PRKG2: variants seen among roughly 807,000 people sequenced by gnomAD.
PRKG2 encodes protein kinase cGMP-dependent 2, also known as cGMP-dependent protein kinase 2.
PRKG2 carries 33 observed loss-of-function variants against 97.2 expected under a neutral mutation model. The observed-to-expected ratio is 0.34, with a 90% CI of 0.26 to 0.45. The LOEUF (loss-of-function observed/expected upper bound fraction) is 0.45, where lower values mean the gene tolerates loss of function less well. Among genes scored for constraint, PRKG2 ranks in the 20% least tolerant of loss-of-function variants. PRKG2 has a pLI of 1.00. For synonymous variants in PRKG2, 330 were observed against 321.8 expected (o/e 1.03, Z -0.27); for missense variants, 638 against 900.0 (o/e 0.71, Z 3.73).
At chr4:81,091,568 C>G (rs1051953029) in intron 18 of PRKG2, among the ~76,000 whole-genome samples, 1 of 152,118 alleles carries the variant, frequency 6.6e-6, no homozygotes, top group African/African-American at 2.4e-5. Flanking sequence ...CAGGCGTGAG[C>G]CACCATGCCT....
At chr4:81,176,297 C>T (rs10516651) in intron 2 of PRKG2, among the ~76,000 whole-genome samples, 36,326 of 152,012 alleles carry the variant, frequency 0.24, 8,451 homozygotes, top group African/African-American at 0.59. Flanking sequence ...AAGAACAAAT[C>T]TTAGGTCTGG....
intron 17 of PRKG2, among the ~76,000 whole-genome samples, chr4:81,095,686 A>C (rs1055953936): frequency 6.6e-6 from 1 of 152,164 alleles, no homozygotes; most frequent in African/African-American, 2.4e-5. Context: ...GTGTGTAAAA[A>C]ATATTCACCA....
At chr4:81,093,198 C>A (rs1390370632) in intron 17 of PRKG2, among the ~76,000 whole-genome samples, 1 of 152,048 alleles carries the variant, frequency 6.6e-6, no homozygotes, top group Non-Finnish European at 1.5e-5. Flanking sequence ...TCCTAACCAA[C>A]TAGGGTTGTT....
At chr4:81,184,254 G>A (rs190890019) in intron 2 of PRKG2, among the ~76,000 whole-genome samples, 29 of 152,270 alleles carry the variant, frequency 1.9e-4, no homozygotes, top group African/African-American at 6.7e-4. Context: ...AGCTCCAGCT[G>A]GCATCTGTCA....
At chr4:81,115,906 G>A (rs960955266) in intron 14 of PRKG2, among the ~76,000 whole-genome samples, 6 of 152,050 alleles carry the variant, frequency 3.9e-5, no homozygotes, top group Non-Finnish European at 5.9e-5. Flanking sequence ...ACATATTTCC[G>A]TGCTTTTTGT....
intron 14 of PRKG2, among the ~76,000 whole-genome samples, chr4:81,131,089 G>A (rs756337012): frequency 7.2e-5 from 11 of 152,182 alleles, no homozygotes; most frequent in Non-Finnish European, 1.5e-4. Flanking sequence ...CCAGTTTTGT[G>A]TTTGAAACCC....
chr4:81,155,047 G>C (rs919195198), intron 6 of PRKG2, among the ~76,000 whole-genome samples: 7 of 150,716 alleles, frequency 4.6e-5, no homozygotes, highest in Non-Finnish European at 8.9e-5. Context: ...GCGTAGTGGC[G>C]GGCGCCTGTA....
chr4:81,169,728 T>A lies in PRKG2; in HGVS notation c.783A>T (p.Val261=). 1 of 1,609,846 alleles carries A rather than the reference T, an allele frequency of 6.2e-7. No homozygotes were observed. Among genetic ancestry groups the A allele is most frequent in the Non-Finnish European group, 8.5e-7 (1 of 1,177,896 alleles). Residue 261 remains valine, a synonymous_variant, in exon 5 of 19, where the codon GTA becomes GTT. Transcript: ENST00000264399. The part of the protein sequence containing the change: ...NVKTWALDRE[V]FQNIMRRTAQ... Reference sequence around the variant, plus strand: ...CTGTCCTCCTCATTATATTCTGGAATACCTCTCGATCTAGTGCCCATGTTT... The same window carrying A: ...CTGTCCTCCTCATTATATTCTGGAAAACCTCTCGATCTAGTGCCCATGTTT...
Position 81,144,640 on chromosome 4 carries a change from G to T in PRKG2, c.1155-310C>A, listed in dbSNP as rs1747658480. Among the ~76,000 whole-genome samples the T allele has an allele frequency of 2.0e-5, 3 of 149,402 alleles. No individual in the cohort carries two copies. The South Asian group carries it at 6.3e-4, about 32-fold the overall frequency. ...TTTTTTATTATACTTTAAGTTCTAG[G>T]GTACATGTGCACAATGTGCAGGTTA... is the stretch of plus-strand genomic sequence containing the variant. On this transcript the variant is annotated intron_variant, in intron 9 of 18. Coordinates refer to ENST00000264399, the MANE Select transcript of PRKG2 (RefSeq NM_006259.3).
chr4:81,112,856 A>G (rs1197568439), intron 14 of PRKG2, among the ~76,000 whole-genome samples: 1 of 152,202 alleles, frequency 6.6e-6, no homozygotes, highest in Non-Finnish European at 1.5e-5. Flanking sequence ...GGATACTACC[A>G]GAAAGTCTCA....
chr4:81,105,136 C>T (rs535596800), intron 16 of PRKG2, among the ~76,000 whole-genome samples: 8 of 152,190 alleles, frequency 5.3e-5, no homozygotes, highest in East Asian at 1.9e-4. Flanking sequence ...AAATTCGTTA[C>T]GCGTATATAA....
chr4:81,130,338 T>C (rs1482788218), intron 14 of PRKG2, among the ~76,000 whole-genome samples: 1 of 152,198 alleles, frequency 6.6e-6, no homozygotes, highest in African/African-American at 2.4e-5. Context: ...CAGCAAAGAT[T>C]GCTGCCTTTT....
intron 14 of PRKG2, among the ~76,000 whole-genome samples, chr4:81,113,724 C>A (rs917534192): frequency 1.3e-5 from 2 of 152,096 alleles, no homozygotes; most frequent in Non-Finnish European, 2.9e-5. Flanking sequence ...TCTAATTAAA[C>A]CAGATGATTC....
intron 14 of PRKG2, among the ~76,000 whole-genome samples, chr4:81,131,408 C>G (rs907425478): frequency 2.0e-5 from 3 of 152,158 alleles, no homozygotes; most frequent in African/African-American, 7.2e-5. Flanking sequence ...CAGAGCTGTT[C>G]CTATTTGGCC....
rs1397751991 is a variant in PRKG2, at chr4:81,186,931, G to C, written c.462-11972C>G. Among the ~76,000 whole-genome samples, 8 of 152,232 alleles carry C rather than the reference G, an allele frequency of 5.3e-5. No individual in the cohort carries two copies. In the East Asian group the frequency reaches 1.5e-3, roughly 29 times the overall value. On this transcript the variant is annotated intron_variant, in intron 2 of 18. Coordinates refer to ENST00000264399, the MANE Select transcript of PRKG2 (RefSeq NM_006259.3). ...CCTCCCAAGATTAGACCAGGAACAA[G>C]TCAAATGCCTCAACAGACCAATAAC...
chr4:81,202,983 A>G (rs1753411365), intron 2 of PRKG2, among the ~76,000 whole-genome samples: 1 of 151,944 alleles, frequency 6.6e-6, no homozygotes, highest in African/African-American at 2.4e-5. Flanking sequence ...AAAAAAGTAC[A>G]TTGCTATTTG....
At chr4:81,105,399 CTTTT>C (rs1200612227) in intron 16 of PRKG2, among the ~76,000 whole-genome samples, 2 of 152,106 alleles carry the variant, frequency 1.3e-5, no homozygotes, top group Non-Finnish European at 2.9e-5. Flanking sequence ...GAATATTTGT[CTTTT>C]TGTGTCTGGC....
chr4:81,184,510 G>A (rs931340706), intron 2 of PRKG2, among the ~76,000 whole-genome samples: 5 of 152,092 alleles, frequency 3.3e-5, no homozygotes, highest in African/African-American at 1.2e-4. Context: ...AAAGACCAAA[G>A]TAGATAAATC....
intron 2 of PRKG2, among the ~76,000 whole-genome samples, chr4:81,180,684 T>C (rs1751327781): frequency 6.6e-6 from 1 of 152,090 alleles, no homozygotes. Context: ...TTCTGGGAGA[T>C]TTTAACACAT....
Sources: allele counts gnomAD v4.1 joint callset (sites outside exome capture counted in the v4.1 genomes callset), GRCh38; gene constraint gnomAD v4.1.1; transcripts MANE v1.5; gene names NCBI Gene and HGNC (gene_info 2026-07-23, HGNC 2026-07-21).